The following CYB5R4 variants were observed in gnomAD, a reference collection of about 807,000 sequenced individuals.
CYB5R4 encodes N-terminal cytochrome b5 and cytochrome b5 oxidoreductase domain-containing protein.
CYB5R4 carries 55 observed loss-of-function variants against 70.2 expected under a neutral mutation model. That is an observed-to-expected ratio of 0.78 (90% confidence interval 0.63 to 0.98). CYB5R4 has a LOEUF of 0.98. CYB5R4 is among the 50% of genes least tolerant of loss of function. The probability of loss-of-function intolerance (pLI) is 0.00; values close to 1 mark genes in which losing one functional copy is unlikely to be tolerated. For missense variants in CYB5R4, 562 were observed against 612.6 expected (o/e 0.92, Z 0.87); for synonymous variants, 197 against 199.5 (o/e 0.99, Z 0.11).
At position 83,864,197 on chromosome 6, in the gene CYB5R4, G is replaced by A. The variant is rs778634801; in HGVS notation, c.98G>A (p.Ser33Asn). 3 of 1,608,192 alleles carry A rather than the reference G, an allele frequency of 1.9e-6. No individual in the cohort carries two copies. Among genetic ancestry groups the A allele is most frequent in the South Asian group, 2.2e-5 (2 of 89,760 alleles). Residue 33 changes from serine to asparagine, a missense_variant, in exon 2 of 16, where the codon AGC becomes AAC. Transcript: ENST00000369681. Reference protein sequence around the residue: ...RSKVPLKQGRSLMDWIRLTKS... With the variant: ...RSKVPLKQGRNLMDWIRLTKS... ...TAGGTACCTTTAAAACAGGGCAGAA[G>A]CCTTATGGATTGGATTCGACTGACC...
At chr6:83,894,614 A>G (rs559514263) in intron 3 of CYB5R4, among the ~76,000 whole-genome samples, 1 of 152,304 alleles carries the variant, frequency 6.6e-6, no homozygotes, top group South Asian at 2.1e-4. Context: ...AACTTCCCAA[A>G]AACTTAACTA....
chr6:83,889,743 A>G (rs899160115), intron 2 of CYB5R4, among the ~76,000 whole-genome samples: 3 of 152,212 alleles, frequency 2.0e-5, no homozygotes, highest in Non-Finnish European at 4.4e-5. Context: ...TCTGCAAGCT[A>G]TACAGGAAAC....
At chr6:83,942,890 A>G (rs1467838827) in intron 14 of CYB5R4, among the ~76,000 whole-genome samples, 1 of 152,136 alleles carries the variant, frequency 6.6e-6, no homozygotes, top group Non-Finnish European at 1.5e-5. Flanking sequence ...CCGAAAAGCC[A>G]TGATAGCCAG....
rs538553553 is a variant in CYB5R4 at position 83,955,226 on chromosome 6, T to C, written c.1347-72T>C. On this transcript the variant is annotated intron_variant, in intron 14 of 15. Transcript: ENST00000369681. ...TTGTTCCTTTAGGGGAGAAATATATTCTTGAACTTGAAACATGTTAATAAT... is the reference window on the plus strand; with the variant it reads ...TTGTTCCTTTAGGGGAGAAATATATCCTTGAACTTGAAACATGTTAATAAT... The C allele has an allele frequency of 3.4e-3, 4,240 of 1,249,746 alleles. 10 individuals carry two copies. Among genetic ancestry groups the C allele is most frequent in the Non-Finnish European group, 4.4e-3 (4,045 of 912,498 alleles). The allele number at this position is 1,249,746 out of a possible 1,614,324, so 77.4% of individuals were successfully genotyped here. A position where few individuals can be genotyped will look rare whatever the true frequency, so the allele number is the denominator to read the frequency against.
At chr6:83,937,191 C>T (rs532754374) in intron 12 of CYB5R4, among the ~76,000 whole-genome samples, 165 of 152,176 alleles carry the variant, frequency 1.1e-3, no homozygotes, top group African/African-American at 3.7e-3. Context: ...AGGAGAATCG[C>T]TTAAACCCGG....
chr6:83,932,622 A>T (rs1258739253), intron 10 of CYB5R4, among the ~76,000 whole-genome samples: 3 of 152,026 alleles, frequency 2.0e-5, no homozygotes, highest in Non-Finnish European at 2.9e-5. Context: ...TTGCAAGGCC[A>T]CGAAGTATCC....
At chr6:83,861,499 T>C (rs9362014) in intron 1 of CYB5R4, among the ~76,000 whole-genome samples, 27,039 of 152,254 alleles carry the variant, frequency 0.18, 5,002 homozygotes, top group African/African-American at 0.45. Flanking sequence ...AAATTCGTTT[T>C]GGCCAGGGCC....
In CYB5R4 at chr6:83,901,030, C is replaced by G. The variant is rs1043174736; in HGVS notation, c.330+7408C>G. 2.0e-5 allele frequency among the ~76,000 whole-genome samples: 3 copies of G among 152,180 alleles called. No homozygotes were observed. In the East Asian group the frequency reaches 5.8e-4, roughly 29 times the overall value. On this transcript the variant is annotated intron_variant, in intron 3 of 15. Transcript: ENST00000369681. ...TCAAATGTTAGCTAGTTACTTTGCT[C>G]GTTAGCTGATGCAGTTTCTTCCTAG...
intron 2 of CYB5R4, among the ~76,000 whole-genome samples, chr6:83,885,392 A>G (rs1423433059): frequency 6.6e-6 from 1 of 152,218 alleles, no homozygotes; most frequent in Non-Finnish European, 1.5e-5. Flanking sequence ...TCCCTAGACC[A>G]TATTTTGAGA....
intron 1 of CYB5R4, among the ~76,000 whole-genome samples, chr6:83,863,875 GC>G (rs2099456352): frequency 6.6e-6 from 1 of 152,120 alleles, no homozygotes; most frequent in Non-Finnish European, 1.5e-5. Context: ...TCAGTACTTT[GC>G]CATTTTATAT....
At chr6:83,863,082 T>A (rs753563498) in intron 1 of CYB5R4, among the ~76,000 whole-genome samples, 1 of 152,204 alleles carries the variant, frequency 6.6e-6, no homozygotes, top group African/African-American at 2.4e-5. Context: ...CATAGAGATA[T>A]CTTGAAAATG....
chr6:83,910,396 C>G (rs2099464490), intron 4 of CYB5R4: 1 of 414,786 alleles, frequency 2.4e-6, no homozygotes, highest in Non-Finnish European at 4.4e-6. Context: ...GTGGGCTTTA[C>G]TAGACAGACA....
At chr6:83,887,004 G>T (rs1174102033) in intron 2 of CYB5R4, among the ~76,000 whole-genome samples, 1 of 152,030 alleles carries the variant, frequency 6.6e-6, no homozygotes, top group Non-Finnish European at 1.5e-5. Context: ...ATATTTTATT[G>T]TAGGATGCCC....
intron 14 of CYB5R4, among the ~76,000 whole-genome samples, chr6:83,948,330 G>T (rs1030493123): frequency 6.6e-6 from 1 of 152,096 alleles, no homozygotes; most frequent in Non-Finnish European, 1.5e-5. Context: ...GAACATATGG[G>T]CACAGGAAGG....
chr6:83,902,616 G>A (rs1213204578), intron 3 of CYB5R4, among the ~76,000 whole-genome samples: 1 of 152,010 alleles, frequency 6.6e-6, no homozygotes, highest in Non-Finnish European at 1.5e-5. Flanking sequence ...TGGGCTGTAT[G>A]TTCCTTCTGA....
rs1216908766 is a variant in CYB5R4 at position 83,960,467 on chromosome 6, G to T, written c.*589G>T. 1 of 152,208 alleles carries T rather than the reference G, an allele frequency of 6.6e-6. No homozygotes were observed. The highest frequency in any genetic ancestry group is 1.5e-5 in the Non-Finnish European group (1 of 68,038). 9.4% of individuals were successfully genotyped at this position (152,208 alleles called of 1,614,324 possible). A position where few individuals can be genotyped will look rare whatever the true frequency, so the allele number is the denominator to read the frequency against. On this transcript the variant is annotated 3_prime_UTR_variant, in exon 16 of 16. Transcript: ENST00000369681. ...ATGTGGTTGAATGCAACAATATTGGGCCAGCGTCTCAAGGGGAATTTTAAA... is the reference window on the plus strand; with the variant it reads ...ATGTGGTTGAATGCAACAATATTGGTCCAGCGTCTCAAGGGGAATTTTAAA...
At chr6:83,890,272 A>G (rs1442659923) in intron 2 of CYB5R4, among the ~76,000 whole-genome samples, 1 of 152,206 alleles carries the variant, frequency 6.6e-6, no homozygotes, top group African/African-American at 2.4e-5. Flanking sequence ...AAGTATCAAC[A>G]TTAACAGGAG....
intron 2 of CYB5R4, among the ~76,000 whole-genome samples, chr6:83,879,886 T>C (rs2099459184): frequency 6.6e-6 from 1 of 152,174 alleles, no homozygotes; most frequent in Non-Finnish European, 1.5e-5. Context: ...TGGTGACGTC[T>C]CATTTTTCTG....
chr6:83,948,417 G>C (rs1170283412), intron 14 of CYB5R4, among the ~76,000 whole-genome samples: 2 of 152,128 alleles, frequency 1.3e-5, no homozygotes, highest in African/African-American at 4.8e-5. Context: ...ACCTAATGTA[G>C]ATGACAGGTT....
Sources: allele counts gnomAD v4.1 joint callset (sites outside exome capture counted in the v4.1 genomes callset), GRCh38; gene constraint gnomAD v4.1.1; transcripts MANE v1.5; gene names NCBI Gene and HGNC (gene_info 2026-07-23, HGNC 2026-07-21).